AAK1: variants seen among roughly 807,000 people sequenced by gnomAD.
AAK1 encodes the protein AP2-associated protein kinase 1.
AAK1 carries 37 observed loss-of-function variants against 116.0 expected under a neutral mutation model. That is an observed-to-expected ratio of 0.32 (90% CI 0.25 to 0.42). The LOEUF is 0.42. AAK1 is among the 10% of genes least tolerant of loss of function. The pLI is 1.00. For synonymous variants in AAK1, 458 were observed against 439.9 expected, an observed-to-expected ratio of 1.04 and a Z score of -0.51; for missense variants, 919 against 1,170.6, an observed-to-expected ratio of 0.79 and a Z score of 3.14.
chr2:69,566,381 T>A (rs1671869344), intron 2 of AAK1, among the ~76,000 whole-genome samples: 1 of 152,078 alleles, frequency 6.6e-6, no homozygotes, highest in African/African-American at 2.4e-5. Flanking sequence ...TTAAAAATCA[T>A]CATGTGCCAG....
At chr2:69,527,798 G>T (rs1034816692) in intron 8 of AAK1, among the ~76,000 whole-genome samples, 2 of 152,244 alleles carry the variant, frequency 1.3e-5, no homozygotes, top group Non-Finnish European at 1.5e-5. Context: ...ACAAAGTAAC[G>T]TATGCATATC....
chr2:69,483,157 T>C (rs879618364), intron 17 of AAK1, among the ~76,000 whole-genome samples: 1 of 152,188 alleles, frequency 6.6e-6, no homozygotes, highest in Non-Finnish European at 1.5e-5. Flanking sequence ...ATTCATATCA[T>C]TACCACTGAA....
At chr2:69,495,355 G>A (rs1297706975) in intron 17 of AAK1, among the ~76,000 whole-genome samples, 3 of 152,140 alleles carry the variant, frequency 2.0e-5, no homozygotes, top group Non-Finnish European at 2.9e-5. Flanking sequence ...TTAAAATTGA[G>A]ATATGGTGGA....
intron 4 of AAK1, 103 bp from the exon 5 acceptor site, chr2:69,542,768 G>A: frequency 7.5e-7 from 1 of 1,337,448 alleles, no homozygotes; most frequent in Non-Finnish European, 1.0e-6. Flanking sequence ...TCTGGACTAA[G>A]GTAACAGAGC....
At chr2:69,476,660 G>A (rs1270632414) in intron 21 of AAK1, among the ~76,000 whole-genome samples, 2 of 151,962 alleles carry the variant, frequency 1.3e-5, no homozygotes, top group South Asian at 2.1e-4. Context: ...CTAACTTTTG[G>A]CCAACTGTTA....
At chr2:69,563,976 G>A (rs1448397392) in intron 2 of AAK1, among the ~76,000 whole-genome samples, 1 of 152,040 alleles carries the variant, frequency 6.6e-6, no homozygotes, top group Admixed American at 6.6e-5. Context: ...GGTGGATCAC[G>A]AGGTCAGGAG....
intron 5 of AAK1, among the ~76,000 whole-genome samples, chr2:69,541,382 T>A (rs980980494): frequency 6.6e-6 from 1 of 151,836 alleles, no homozygotes; most frequent in Non-Finnish European, 1.5e-5. Context: ...AGGCATGCGC[T>A]ACTACACCCG....
chr2:69,637,047 T>C (rs918803567), intron 2 of AAK1, among the ~76,000 whole-genome samples: 6 of 152,222 alleles, frequency 3.9e-5, no homozygotes, highest in South Asian at 2.1e-4. Context: ...GGCTACTTTA[T>C]TGAACAGCAC....
intron 2 of AAK1, among the ~76,000 whole-genome samples, chr2:69,587,806 T>G (rs1672855930): frequency 6.6e-6 from 1 of 151,920 alleles, no homozygotes; most frequent in South Asian, 2.1e-4. Context: ...GAGACAGAGT[T>G]TTACTATGTT....
chr2:69,487,615 C>A lies in AAK1; in HGVS notation c.2366-4803G>T, dbSNP rs1233375899. ...CATACCTGAAATGTACAAAGACTGA[C>A]ACTGTTATTCTCAATTATTTAAGGG... On this transcript the variant is annotated intron_variant, in intron 17 of 21. Transcript: ENST00000409085. Among the ~76,000 whole-genome samples, 4 of 152,252 alleles carry A rather than the reference C, an allele frequency of 2.6e-5. No individual in the cohort carries two copies. The East Asian group carries it at 7.7e-4, about 29-fold the overall frequency.
At chr2:69,603,672 G>A (rs1180207850) in intron 2 of AAK1, among the ~76,000 whole-genome samples, 1 of 152,098 alleles carries the variant, frequency 6.6e-6, no homozygotes, top group African/African-American at 2.4e-5. Context: ...TTTTAAGAGA[G>A]AACATTTAGG....
intron 10 of AAK1, among the ~76,000 whole-genome samples, chr2:69,522,038 G>A (rs1436235573): frequency 1.3e-5 from 2 of 152,136 alleles, no homozygotes; most frequent in African/African-American, 4.8e-5. Context: ...CAGCCAGATC[G>A]ACACTTTCAA....
At chr2:69,484,674 G>T (rs562841375) in intron 17 of AAK1, among the ~76,000 whole-genome samples, 1 of 151,802 alleles carries the variant, frequency 6.6e-6, no homozygotes, top group Non-Finnish European at 1.5e-5. Flanking sequence ...CATGCCTATA[G>T]TCCCAGCCTG....
intron 2 of AAK1, among the ~76,000 whole-genome samples, chr2:69,573,465 G>A (rs989914433): frequency 2.0e-5 from 3 of 152,190 alleles, no homozygotes; most frequent in African/African-American, 2.4e-5. Flanking sequence ...TAGTGGTAAG[G>A]CTACATGTCA....
chr2:69,462,643 T>TC lies in AAK1; in HGVS notation c.*13225dup, dbSNP rs1674369967. 6.7e-6 allele frequency: 1 copy of TC among 148,824 alleles called. No individual in the cohort carries two copies. The highest frequency in any genetic ancestry group is 2.1e-4 in the South Asian group (1 of 4,712). 9.2% of individuals were successfully genotyped at this position (148,824 alleles called of 1,614,324 possible). A position where few individuals can be genotyped will look rare whatever the true frequency, so the allele number is the denominator to read the frequency against. Reference sequence around the variant, plus strand: ...GTGAGCCGAGATCACACCACTGCACTCCCGCCTGAGCGACAGAGCAAGACG... The same window carrying TC: ...GTGAGCCGAGATCACACCACTGCACTCCCCGCCTGAGCGACAGAGCAAGACG... On this transcript the variant is annotated 3_prime_UTR_variant, in exon 22 of 22. Transcript: ENST00000409085.
At chr2:69,594,062 G>A (rs1673154337) in intron 2 of AAK1, among the ~76,000 whole-genome samples, 1 of 152,226 alleles carries the variant, frequency 6.6e-6, no homozygotes, top group Non-Finnish European at 1.5e-5. Flanking sequence ...AAAAGACTGA[G>A]GGAGGGGACA....
At chr2:69,525,371 A>G (rs767700188) in intron 9 of AAK1, among the ~76,000 whole-genome samples, 7 of 152,204 alleles carry the variant, frequency 4.6e-5, no homozygotes, top group Non-Finnish European at 1.0e-4. Context: ...TTCCCGGATT[A>G]TTCTCTACCT....
At position 69,622,566 on chromosome 2, in the gene AAK1, G is replaced by A. The variant is rs1329372169; in HGVS notation, c.163+20312C>T. ...CTGAGGGACTGTAAGTACACCAATC[G>A]ACACTCTGTATCTAGCTCAAGGCTT... On this transcript the variant is annotated intron_variant, in intron 2 of 21. Coordinates refer to ENST00000409085, the MANE Select transcript of AAK1 (RefSeq NM_014911.5). 2.6e-5 allele frequency among the ~76,000 whole-genome samples: 4 copies of A among 152,348 alleles called. 1 individual carries two copies. The highest frequency in any genetic ancestry group is 2.4e-5 in the African/African-American group (1 of 41,592).
intron 2 of AAK1, among the ~76,000 whole-genome samples, chr2:69,640,662 C>A (rs1489648142): frequency 1.3e-5 from 2 of 152,170 alleles, no homozygotes; most frequent in Non-Finnish European, 2.9e-5. Context: ...CTAAGAGCCA[C>A]AAATTCAAAC....
Sources: gnomAD v4.1 joint callset for allele counts (sites outside exome capture counted in the v4.1 genomes callset) on GRCh38, gnomAD v4.1.1 for gene constraint, MANE v1.5 for transcripts, NCBI Gene and HGNC (gene_info 2026-07-23, HGNC 2026-07-21) for gene names.